Variants in LRRC43 observed in about 807,000 individuals in gnomAD.
LRRC43 encodes leucine rich repeat containing 43.
Under a neutral mutation model 64.3 loss-of-function variants are expected in LRRC43, and 62 were observed. That is an observed-to-expected ratio of 0.96 (90% CI 0.79 to 1.19). LRRC43 has a LOEUF of 1.19. Ranked by LOEUF, LRRC43 falls within the 50% of genes most tolerant of loss-of-function variation. The probability of loss-of-function intolerance (pLI) is 0.00; values close to 1 mark genes in which losing one functional copy is unlikely to be tolerated. For synonymous variants in LRRC43, 422 were observed against 382.3 expected (o/e 1.10, Z -1.21); for missense variants, 868 against 845.0 (o/e 1.03, Z -0.34).
At chr12:122,173,698 A>AAT in intron 1 of LRRC43, 1 of 652,028 alleles carries the variant, frequency 1.5e-6, no homozygotes, top group Non-Finnish European at 2.6e-6. Flanking sequence ...AAAAAAAAAA[A>AAT]GCCATCTTTG....
In LRRC43 at chr12:122,186,182, T is replaced by G; in HGVS notation, c.412-8T>G. On this transcript the variant is annotated splice_polypyrimidine_tract_variant and splice_region_variant and intron_variant, in intron 2 of 11. Coordinates refer to ENST00000339777, the MANE Select transcript of LRRC43 (RefSeq NM_001098519.2). The stretch of plus-strand genomic sequence containing the variant: ...CTACAGCCCTCAGCTTCCTCTCCCC[T>G]CTTCCAGGTCACCCTGGTGGATAAA... 5 of 1,547,620 alleles carry G rather than the reference T, an allele frequency of 3.2e-6. No homozygotes were observed. The highest frequency in any genetic ancestry group is 4.4e-6 in the Non-Finnish European group (5 of 1,133,588).
At chr12:122,188,318 A>G (rs982796998) in intron 4 of LRRC43, among the ~76,000 whole-genome samples, 19 of 152,110 alleles carry the variant, frequency 1.2e-4, no homozygotes, top group Non-Finnish European at 2.1e-4. Flanking sequence ...TGTGTTAGCC[A>G]GGATGGTCTC....
upstream of LRRC43, among the ~76,000 whole-genome samples, chr12:122,178,237 C>T (rs552290626): frequency 9.2e-5 from 14 of 152,154 alleles, no homozygotes; most frequent in African/African-American, 3.4e-4. Flanking sequence ...ACTGGGGTTT[C>T]AGCCTTCATT....
At position 122,193,112 on chromosome 12, in the gene LRRC43, G is replaced by A. The variant is rs1052185199; in HGVS notation, c.1349+108G>A. ...AGTCCTGAGGCTGGCGGGGCGCGGTGGCTCACGTCTGTAATCCCGGCACTT... is the reference window on the plus strand; with the variant it reads ...AGTCCTGAGGCTGGCGGGGCGCGGTAGCTCACGTCTGTAATCCCGGCACTT... On this transcript the variant is annotated intron_variant, in intron 7 of 11. Coordinates refer to ENST00000339777, the MANE Select transcript of LRRC43 (RefSeq NM_001098519.2). 5.0e-6 allele frequency: 6 copies of A among 1,208,172 alleles called. No homozygotes were observed. The African/African-American group carries it at 9.1e-5, about 18-fold the overall frequency. The allele number at this position is 1,208,172 out of a possible 1,614,324, so 74.8% of individuals were successfully genotyped here.
intron 1 of LRRC43, chr12:122,174,105 T>G (rs2136019033): frequency 1.2e-6 from 2 of 1,613,964 alleles, no homozygotes; most frequent in South Asian, 2.2e-5. Context: ...AGAATCTTCC[T>G]GGTGAGATAA....
intron 3 of LRRC43, chr12:122,187,468 C>T (rs1953658168): frequency 6.2e-6 from 3 of 480,562 alleles, no homozygotes; most frequent in East Asian, 7.1e-5. Flanking sequence ...CAGCATCACC[C>T]CCCATTCCAG....
intron 4 of LRRC43, among the ~76,000 whole-genome samples, chr12:122,189,190 G>C (rs1294554388): frequency 1.3e-5 from 2 of 152,124 alleles, no homozygotes; most frequent in Non-Finnish European, 2.9e-5. Flanking sequence ...GGAGAGGAAG[G>C]CTTTGCAAAA....
At position 122,186,282 on chromosome 12, in the gene LRRC43, T is replaced by C; in HGVS notation, c.504T>C (p.Asn168=). The change falls in exon 3 of 12, where the codon AAT becomes AAC. Residue 168 remains asparagine, a synonymous_variant. Coordinates refer to ENST00000339777, the MANE Select transcript of LRRC43 (RefSeq NM_001098519.2). ...GAATCAAGGAGGTGGATGCCACCAA[T>C]CTGCCCCCCACACTCAAGGTGAAGG... ...ANRIKEVDAT[N]LPPTLKVLEL... is the part of the protein sequence containing the mutation. 2.5e-6 allele frequency: 4 copies of C among 1,600,686 alleles called. No homozygotes were observed. The highest frequency in any genetic ancestry group is 3.4e-6 in the Non-Finnish European group (4 of 1,173,708).
At chr12:122,183,746 C>T (rs1311502506) in intron 1 of LRRC43, among the ~76,000 whole-genome samples, 1 of 152,170 alleles carries the variant, frequency 6.6e-6, no homozygotes, top group East Asian at 1.9e-4. Context: ...CTCCAGAGTC[C>T]TAGACCCTTC....
At chr12:122,178,737 G>A (rs1288683980), upstream of LRRC43, among the ~76,000 whole-genome samples, 3 of 151,774 alleles carry the variant, frequency 2.0e-5, no homozygotes, top group Non-Finnish European at 2.9e-5. Flanking sequence ...GATTACAGGC[G>A]TGAGCCACCA....
chr12:122,188,450 A>AT (rs934839300), intron 4 of LRRC43, among the ~76,000 whole-genome samples: 11 of 146,792 alleles, frequency 7.5e-5, no homozygotes, highest in South Asian at 2.2e-4. Context: ...TTTTATTTTA[A>AT]TTTTTTTTTG....
In LRRC43 at chr12:122,203,348, G is replaced by A. The variant is rs748914900; in HGVS notation, c.1877G>A (p.Gly626Asp). 3 of 1,613,292 alleles carry A rather than the reference G, an allele frequency of 1.9e-6. No individual in the cohort carries two copies. Among genetic ancestry groups the A allele is most frequent in the South Asian group, 2.2e-5 (2 of 91,008 alleles). Residue 626 changes from glycine (G) to aspartate (D), a missense_variant, in exon 12 of 12, where the codon GGC becomes GAC. Transcript: ENST00000339777. ...KPKAVIPIYE[G>D]DYHPEPLTVE... ...AAAGCCGTGATTCCGATCTACGAAGGCGATTACCACCCTGAGCCCCTGACC... is the reference window on the plus strand; with the variant it reads ...AAAGCCGTGATTCCGATCTACGAAGACGATTACCACCCTGAGCCCCTGACC...
chr12:122,200,502 GCTCA>G lies in LRRC43; in HGVS notation c.1492-26_1492-23del, dbSNP rs779067418. 13 of 1,613,978 alleles carry G rather than the reference GCTCA, an allele frequency of 8.1e-6. No homozygotes were observed. The South Asian group carries it at 1.4e-4, about 18-fold the overall frequency. On this transcript the variant is annotated intron_variant, in intron 8 of 11. Transcript: ENST00000339777. This position sits in a 1 kb window ranked among gnomAD's most constrained non-coding sequence, Gnocchi z 4.6. ...CCCCAGGCAGCCCGCCTGGGCCTCT[GCTCA>G]CTCGAGGATTCTCTCCTGCCCCTAG...
At chr12:122,198,141 C>T (rs913477531) in intron 7 of LRRC43, among the ~76,000 whole-genome samples, 15 of 152,002 alleles carry the variant, frequency 9.9e-5, no homozygotes, top group Non-Finnish European at 1.8e-4. Context: ...CCACCATGCC[C>T]GGCTAATTTT....
Position 122,200,610 on chromosome 12 carries a change from A to T in LRRC43, c.1570A>T (p.Lys524Ter). ...GAAAGGAAAGGGGGAGAAAGACAAG[A>T]AAGGGAAGGAGAAAGACAGGACGGG... ...AKKGKGEKDK[K>*]GKEKDRTGKG... The change falls in exon 9 of 12, where the codon AAA becomes TAA. Residue 524 changes from lysine (K) to a stop codon, truncating the protein, a stop_gained. Transcript: ENST00000339777. LOFTEE classifies it high-confidence loss of function. The surrounding 1 kb of genome is among the most constrained non-coding windows in gnomAD (Gnocchi z 4.6). 6.2e-7 allele frequency: 1 copy of T among 1,614,136 alleles called. No homozygotes were observed. The highest frequency in any genetic ancestry group is 8.5e-7 in the Non-Finnish European group (1 of 1,180,008).
chr12:122,173,603 GA>G (rs1388288669), intron 1 of LRRC43, among the ~76,000 whole-genome samples: 1 of 151,640 alleles, frequency 6.6e-6, no homozygotes, highest in African/African-American at 2.4e-5. Flanking sequence ...AGAATCGCTT[GA>G]ACCCAGGAAG....
chr12:122,186,648 G>T (rs1427557869), intron 3 of LRRC43, among the ~76,000 whole-genome samples: 2 of 152,210 alleles, frequency 1.3e-5, no homozygotes, highest in Non-Finnish European at 1.5e-5. Flanking sequence ...GCCAGGCGCG[G>T]TGGCTCACAC....
chr12:122,178,309 C>T (rs7972979), upstream of LRRC43, among the ~76,000 whole-genome samples: 80,731 of 151,850 alleles, frequency 0.53, 22,216 homozygotes, highest in East Asian at 0.69. Context: ...GACAACCTCT[C>T]GTAACAACCT....
chr12:122,173,770 G>GAGGA lies in LRRC43; in HGVS notation c.-406+5989_-406+5992dup, dbSNP rs1953511003. The GAGGA allele has an allele frequency of 2.2e-6, 3 of 1,351,848 alleles. No individual in the cohort carries two copies. In the Admixed American group the frequency reaches 5.4e-5, roughly 24 times the overall value. The allele number at this position is 1,351,848 out of a possible 1,614,324, so 83.7% of individuals were successfully genotyped here. A position where few individuals can be genotyped will look rare whatever the true frequency, so the allele number is the denominator to read the frequency against. On this transcript the variant is annotated intron_variant, in intron 1 of 5. Transcript: ENST00000537729. ...ACAGCCCTGGTTTCAGGTCCGGAGA[G>GAGGA]AGGAGCCTCTTTGGAGGGCAATGGA...
Sources: gnomAD v4.1 joint callset for allele counts (sites outside exome capture counted in the v4.1 genomes callset) on GRCh38, gnomAD v4.1.1 for gene constraint, Gnocchi (gnomAD v3.1) non-coding constraint, MANE v1.5 for transcripts, NCBI Gene and HGNC (gene_info 2026-07-23, HGNC 2026-07-21) for gene names.